Variants in TRIP11 observed in about 807,000 individuals in gnomAD.
The protein encoded by TRIP11 is thyroid receptor-interacting protein 11.
In TRIP11, 148 loss-of-function variants were observed where a neutral mutation model predicts 223.1. That is an observed-to-expected ratio of 0.66 (90% confidence interval 0.58 to 0.76). The LOEUF (loss-of-function observed/expected upper bound fraction) is 0.76. Ranked by LOEUF, TRIP11 falls within the 30% of genes least tolerant of loss-of-function variation. The pLI, the probability that TRIP11 is intolerant of heterozygous loss-of-function variation, is 0.00. For missense variants in TRIP11, 2,043 were observed against 2,222.0 expected, an observed-to-expected ratio of 0.92 and a Z score of 1.62; for synonymous variants, 762 against 772.6, an observed-to-expected ratio of 0.99 and a Z score of 0.23.
chr14:91,996,857 C>T (rs2056757728), intron 13 of TRIP11, among the ~76,000 whole-genome samples: 1 of 152,160 alleles, frequency 6.6e-6, no homozygotes, highest in Non-Finnish European at 1.5e-5. Context: ...TCCAGAGAGT[C>T]CTAAGAGGTA....
At chr14:91,974,553 T>G in intron 19 of TRIP11, 74 bp downstream of exon 19, 1 of 1,233,656 alleles carries the variant, frequency 8.1e-7, no homozygotes, top group Non-Finnish European at 1.2e-6. Context: ...AAAAAAAATC[T>G]GATTCTTTGC....
chr14:92,015,561 T>TG, intron 6 of TRIP11, 135 bp downstream of exon 6: 1 of 631,348 alleles, frequency 1.6e-6, no homozygotes. Context: ...GGGAGGCTGA[T>TG]GCAGGAGAAT....
At chr14:92,015,888 A>G (rs1319348796) in intron 5 of TRIP11, 27 bp from the exon 6 acceptor site, 1 of 1,569,546 alleles carries the variant, frequency 6.4e-7, no homozygotes, top group South Asian at 1.1e-5. Context: ...AAAGTTATTC[A>G]CATTTATAAT....
At chr14:92,017,610 A>C in intron 5 of TRIP11, 72 bp downstream of exon 5, 35 of 1,066,182 alleles carry the variant, frequency 3.3e-5, no homozygotes, top group Non-Finnish European at 4.4e-5. Flanking sequence ...GACTTTTACT[A>C]ATTCAGGCCT....
Position 91,978,230 on chromosome 14 carries a change from A to T in TRIP11, c.5261-2041T>A, listed in dbSNP as rs1237718344. 6.6e-6 allele frequency among the ~76,000 whole-genome samples: 1 copy of T among 152,152 alleles called. No individual in the cohort carries two copies. Among genetic ancestry groups the T allele is most frequent in the Non-Finnish European group, 1.5e-5 (1 of 68,020 alleles). On this transcript the variant is annotated intron_variant, in intron 16 of 20. Coordinates refer to ENST00000267622, the MANE Select transcript of TRIP11 (RefSeq NM_004239.4). This position sits in a 1 kb window ranked among gnomAD's most constrained non-coding sequence, Gnocchi z 4.4. ...TCAGCAAATAAGTTAATCTCTCGTC[A>T]CTGTTTTGACTTAACCGTCCCACTC... is the stretch of plus-strand genomic sequence containing the variant.
In TRIP11 at chr14:92,004,063, G is replaced by C. The variant is rs1320490478; in HGVS notation, c.3913C>G (p.Leu1305Val). ...IGQLCNTKDL[L>V]LGKLDIISPQ... Reference sequence around the variant, plus strand: ...GAAATAATATCAAGTTTTCCTAAAAGAAGATCCTTGGTATTGCAAAGCTGC... The same window carrying C: ...GAAATAATATCAAGTTTTCCTAAAACAAGATCCTTGGTATTGCAAAGCTGC... Residue 1305 changes from leucine to valine, a missense_variant, in exon 11 of 21, where the codon CTT becomes GTT. Transcript: ENST00000267622. 8 of 1,614,044 alleles carry C rather than the reference G, an allele frequency of 5.0e-6. No individual in the cohort carries two copies. Among genetic ancestry groups the C allele is most frequent in the Non-Finnish European group, 5.9e-6 (7 of 1,180,034 alleles).
rs1479351462 is a variant in TRIP11, at chr14:92,005,601, G to C, written c.2375C>G (p.Thr792Ser). The C allele has an allele frequency of 1.2e-6, 2 of 1,613,542 alleles. No homozygotes were observed. The highest frequency in any genetic ancestry group is 3.3e-5 in the Admixed American group (2 of 59,936). Residue 792 changes from threonine to serine, a missense_variant, in exon 11 of 21, where the codon ACT (threonine) becomes AGT (serine). Thr to Ser is a moderately conservative substitution (Grantham distance 58). Transcript: ENST00000267622. ...TAAACTAGATGACAAAACGTCCTTA[G>C]TTTCTTTATGGTCAGTATCCATTTG... ...IEQMDTDHKETKDVLSSSLEE... is the reference protein window; with the variant it reads ...IEQMDTDHKESKDVLSSSLEE...
In TRIP11 at chr14:91,969,529, G is replaced by T; in HGVS notation, c.*144C>A. Reference sequence around the variant, plus strand: ...ACACCTGCAGTTTCTAAAAGCATTAGGAATATTTTTATTAAATTCAGAGAA... The same window carrying T: ...ACACCTGCAGTTTCTAAAAGCATTATGAATATTTTTATTAAATTCAGAGAA... On this transcript the variant is annotated 3_prime_UTR_variant, in exon 21 of 21. Coordinates refer to ENST00000267622, the MANE Select transcript of TRIP11 (RefSeq NM_004239.4). 1.2e-6 allele frequency: 1 copy of T among 834,360 alleles called. No individual in the cohort carries two copies. Among genetic ancestry groups the T allele is most frequent in the Non-Finnish European group, 2.0e-6 (1 of 498,862 alleles). The allele number at this position is 834,360 out of a possible 1,614,324, so 51.7% of individuals were successfully genotyped here.
At chr14:92,020,508 A>T (rs903540941) in intron 4 of TRIP11, among the ~76,000 whole-genome samples, 2 of 152,136 alleles carry the variant, frequency 1.3e-5, no homozygotes, top group African/African-American at 4.8e-5. Flanking sequence ...ATGTAACTAG[A>T]GCTAGCAGAA....
chr14:91,984,896 C>T (rs1201881253), intron 16 of TRIP11, among the ~76,000 whole-genome samples: 2 of 152,170 alleles, frequency 1.3e-5, no homozygotes, highest in African/African-American at 4.8e-5. Flanking sequence ...TTGAAGAACA[C>T]TTTCAGGTAA....
In TRIP11 at chr14:92,004,048, C is replaced by A; in HGVS notation, c.3928G>T (p.Asp1310Tyr). 1 of 1,614,106 alleles carries A rather than the reference C, an allele frequency of 6.2e-7. No homozygotes were observed. The highest frequency in any genetic ancestry group is 8.5e-7 in the Non-Finnish European group (1 of 1,180,016). Reference sequence around the variant, plus strand: ...GAAGACAGCTGGGGTGAAATAATATCAAGTTTTCCTAAAAGAAGATCCTTG... The same window carrying A: ...GAAGACAGCTGGGGTGAAATAATATAAAGTTTTCCTAAAAGAAGATCCTTG... ...NTKDLLLGKL[D>Y]IISPQLSSAS... Residue 1310 changes from aspartate to tyrosine, a missense_variant, in exon 11 of 21, where the codon GAT (aspartate) becomes TAT (tyrosine). By Grantham distance (160) the Asp-to-Tyr change is radical. Transcript: ENST00000267622.
Position 92,004,194 on chromosome 14 carries a change from G to C in TRIP11, c.3782C>G (p.Ser1261Cys). 1 of 1,614,008 alleles carries C rather than the reference G, an allele frequency of 6.2e-7. No homozygotes were observed. The highest frequency in any genetic ancestry group is 2.2e-5 in the East Asian group (1 of 44,890). ...GCCAGTATAGTCCACTTGTAATTTA[G>C]AATTATTATCACTGTCAACCAAAAC... Reference protein sequence around the residue: ...AQVLVDSDNNSKLQVDYTGLI... With the variant: ...AQVLVDSDNNCKLQVDYTGLI... Residue 1261 changes from serine (S) to cysteine (C), a missense_variant, in exon 11 of 21, where the codon TCT (serine) becomes TGT (cysteine). Ser to Cys is a moderately radical substitution (Grantham distance 112). Transcript: ENST00000267622.
At position 91,975,162 on chromosome 14, in the gene TRIP11, G is replaced by C; in HGVS notation, c.5457+10C>G. The C allele has an allele frequency of 6.2e-7, 1 of 1,607,224 alleles. No individual in the cohort carries two copies. Among genetic ancestry groups the C allele is most frequent in the Non-Finnish European group, 8.5e-7 (1 of 1,174,132 alleles). On this transcript the variant is annotated intron_variant, in intron 18 of 20. Transcript: ENST00000267622. ...TGAATGTGTTCAGATGGCTTTCATC[G>C]TCCAGTCACCTGCTCCATCTCCTCC...
In TRIP11 at chr14:92,004,321, T is replaced by C; in HGVS notation, c.3655A>G (p.Lys1219Glu). 4 of 1,614,144 alleles carry C rather than the reference T, an allele frequency of 2.5e-6. No individual in the cohort carries two copies. Among genetic ancestry groups the C allele is most frequent in the Non-Finnish European group, 3.4e-6 (4 of 1,180,018 alleles). The change falls in exon 11 of 21, where the codon AAG becomes GAG. Residue 1219 changes from lysine to glutamate, a missense_variant. Coordinates refer to ENST00000267622, the MANE Select transcript of TRIP11 (RefSeq NM_004239.4). ...TGCTGCTTCCACTCTTCCATTTTCT[T>C]TACTTGCTGTTTTAACTTGTCACGT... ...QERDKLKQQV[K>E]KMEEWKQQVM...
In TRIP11 at chr14:92,014,329, T is replaced by C. The variant is rs370698979; in HGVS notation, c.1072A>G (p.Ser358Gly). The change falls in exon 7 of 21, where the codon AGT (serine) becomes GGT (glycine). Residue 358 changes from serine (S) to glycine (G), a missense_variant. Transcript: ENST00000267622. ...TTCACAGCAGAAGGCTGCAATTTAC[T>C]ACATTCCAATTTCAAGTTTTCACAT... Reference protein sequence around the residue: ...EECENLKLECSKLQPSAVKQS... With the variant: ...EECENLKLECGKLQPSAVKQS... 2 of 1,614,078 alleles carry C rather than the reference T, an allele frequency of 1.2e-6. No homozygotes were observed. The highest frequency in any genetic ancestry group is 8.5e-7 in the Non-Finnish European group (1 of 1,180,008).
chr14:92,013,892 T>G (rs2057003980), intron 7 of TRIP11, among the ~76,000 whole-genome samples: 1 of 152,182 alleles, frequency 6.6e-6, no homozygotes, highest in Non-Finnish European at 1.5e-5. Context: ...CACTCAGGGC[T>G]TTGCTTGGAT....
rs1460497280 is a variant in TRIP11 at position 91,994,059 on chromosome 14, G to A, written c.5057-147C>T. The A allele has an allele frequency of 3.5e-5, 23 of 655,608 alleles. 1 individual carries two copies. The South Asian group carries it at 3.5e-4, about 10-fold the overall frequency. The allele number at this position is 655,608 out of a possible 1,614,324, so 40.6% of individuals were successfully genotyped here. Reference sequence around the variant, plus strand: ...ATATGCCTTAGTGATAATGTTAAGCGGTACTAAACTAATGAGATCACTTTC... The same window carrying A: ...ATATGCCTTAGTGATAATGTTAAGCAGTACTAAACTAATGAGATCACTTTC... On this transcript the variant is annotated intron_variant, in intron 14 of 20. Coordinates refer to ENST00000267622, the MANE Select transcript of TRIP11 (RefSeq NM_004239.4).
At chr14:91,990,093 T>A (rs1047142596) in intron 15 of TRIP11, among the ~76,000 whole-genome samples, 4 of 152,192 alleles carry the variant, frequency 2.6e-5, no homozygotes, top group Non-Finnish European at 5.9e-5. Flanking sequence ...TGTATCCATA[T>A]ATATCAATAT....
At position 92,025,321 on chromosome 14, in the gene TRIP11, G is replaced by A. The variant is rs767646880; in HGVS notation, c.301C>T (p.Gln101Ter). ...GTGATAACATTTACCTCTTTTTGTT[G>A]AAGTTGATTTCGGTAACTTGTAGAT... ...QQSTSYRNQL[Q>*]QKEVEISHLK... The change falls in exon 3 of 21, where the codon CAA becomes TAA. Residue 101 changes from glutamine (Q) to a stop codon, truncating the protein, a stop_gained. Transcript: ENST00000267622. LOFTEE classifies it high-confidence loss of function. The A allele has an allele frequency of 1.9e-6, 3 of 1,612,528 alleles. No individual in the cohort carries two copies. Among genetic ancestry groups the A allele is most frequent in the Non-Finnish European group, 2.5e-6 (3 of 1,179,106 alleles).
Sources: allele counts gnomAD v4.1 joint callset (sites outside exome capture counted in the v4.1 genomes callset), GRCh38; gene constraint gnomAD v4.1.1; non-coding constraint Gnocchi (gnomAD v3.1); transcripts MANE v1.5; gene names NCBI Gene and HGNC (gene_info 2026-07-23, HGNC 2026-07-21).